Variants in WWOX observed in about 807,000 individuals in gnomAD.
WWOX encodes the protein WW domain containing oxidoreductase, also known as WW domain-containing oxidoreductase.
In WWOX, 69 loss-of-function variants were observed where a neutral mutation model predicts 46.2. The observed-to-expected ratio is 1.49, with a 90% CI of 1.23 to 1.82. WWOX has a LOEUF of 1.82. Among genes scored for constraint, WWOX ranks in the 40% most tolerant of loss-of-function variants. The pLI, the probability that WWOX is intolerant of heterozygous loss-of-function variation, is 0.00. For missense variants in WWOX, 919 were observed against 542.6 expected (o/e 1.69, Z -6.89); for synonymous variants, 359 against 202.6 (o/e 1.77, Z -6.56).
chr16:78,993,327 C>T (rs1024481195), intron 8 of WWOX, among the ~76,000 whole-genome samples: 32 of 152,092 alleles, frequency 2.1e-4, no homozygotes, highest in African/African-American at 7.7e-4. Context: ...AAGGGAATCT[C>T]AGATGTTTTA....
At chr16:78,947,234 A>T (rs2045967006) in intron 8 of WWOX, among the ~76,000 whole-genome samples, 1 of 152,112 alleles carries the variant, frequency 6.6e-6, no homozygotes. Flanking sequence ...CCTGCAAATG[A>T]GTTTGCTAAA....
intron 6 of WWOX, among the ~76,000 whole-genome samples, chr16:78,388,262 C>G (rs1219804693): frequency 1.3e-5 from 2 of 152,138 alleles, no homozygotes; most frequent in African/African-American, 4.8e-5. Context: ...AACTCCTGGC[C>G]TCAGGTGATC....
At chr16:78,384,858 AG>A (rs907700916) in intron 5 of WWOX, among the ~76,000 whole-genome samples, 3 of 152,118 alleles carry the variant, frequency 2.0e-5, no homozygotes, top group African/African-American at 7.2e-5. Flanking sequence ...GCTTTGTGCC[AG>A]GTGCGGTGGC....
chr16:78,327,897 G>A (rs1326872606), intron 5 of WWOX, among the ~76,000 whole-genome samples: 2 of 41,228 alleles, frequency 4.9e-5, no homozygotes, highest in African/African-American at 1.6e-4. Flanking sequence ...TTTTTTTTTT[G>A]AGATGATCTT....
intron 8 of WWOX, chr16:78,895,604 A>G (rs983175614): frequency 2.0e-5 from 3 of 152,236 alleles, no homozygotes; most frequent in Admixed American, 6.5e-5. Context: ...AAATGATGCC[A>G]TGGAAACCCT....
intron 8 of WWOX, among the ~76,000 whole-genome samples, chr16:78,509,871 T>G (rs1238062984): frequency 6.6e-6 from 1 of 151,510 alleles, no homozygotes; most frequent in East Asian, 1.9e-4. Context: ...GAGGATCACT[T>G]GAGCCTGGGA....
intron 5 of WWOX, among the ~76,000 whole-genome samples, chr16:78,178,510 G>A (rs970928347): frequency 6.6e-6 from 1 of 152,118 alleles, no homozygotes; most frequent in Non-Finnish European, 1.5e-5. Context: ...TTTAGGAGTA[G>A]GAATACATGT....
At chr16:78,909,781 A>C (rs1435710917) in intron 8 of WWOX, among the ~76,000 whole-genome samples, 1 of 152,188 alleles carries the variant, frequency 6.6e-6, no homozygotes, top group South Asian at 2.1e-4. Context: ...CTTAGTCCAA[A>C]TGTAGAGGGT....
intron 8 of WWOX, among the ~76,000 whole-genome samples, chr16:78,850,519 A>C (rs924789855): frequency 6.6e-6 from 1 of 152,204 alleles, no homozygotes. Flanking sequence ...TTTTACTGCT[A>C]AGAATAATGT....
At position 78,571,251 on chromosome 16, in the gene WWOX, T is replaced by G. The variant is rs2044708808; in HGVS notation, c.1056+138499T>G. Among the ~76,000 whole-genome samples, 5 of 152,156 alleles carry G rather than the reference T, an allele frequency of 3.3e-5. 1 individual carries two copies. The highest frequency in any genetic ancestry group is 2.6e-4 in the Admixed American group (4 of 15,278). On this transcript the variant is annotated intron_variant, in intron 8 of 8. Coordinates refer to ENST00000566780, the MANE Select transcript of WWOX (RefSeq NM_016373.4). Reference sequence around the variant, plus strand: ...TTGTAAATGTGTTGCTTAAATAGATTTTTATGAGCCAGTAATGGTTTAGAA... The same window carrying G: ...TTGTAAATGTGTTGCTTAAATAGATGTTTATGAGCCAGTAATGGTTTAGAA...
At chr16:79,051,201 T>C (rs1211647513) in intron 8 of WWOX, among the ~76,000 whole-genome samples, 2 of 152,320 alleles carry the variant, frequency 1.3e-5, no homozygotes, top group Admixed American at 6.5e-5. Context: ...AAGTTGTCTT[T>C]AGAGGAGTAA....
chr16:78,687,863 CA>C (rs2047898189), intron 8 of WWOX, among the ~76,000 whole-genome samples: 1 of 152,050 alleles, frequency 6.6e-6, no homozygotes, highest in Non-Finnish European at 1.5e-5. Flanking sequence ...TGCATTAGAA[CA>C]GATTAAAAAT....
intron 8 of WWOX, among the ~76,000 whole-genome samples, chr16:78,513,529 C>G (rs2085413995): frequency 6.6e-6 from 1 of 152,098 alleles, no homozygotes; most frequent in Non-Finnish European, 1.5e-5. Context: ...TTGAATTCCA[C>G]CTTGGGTTCA....
chr16:78,353,795 G>T (rs1262632020), intron 5 of WWOX, among the ~76,000 whole-genome samples: 1 of 152,248 alleles, frequency 6.6e-6, no homozygotes, highest in South Asian at 2.1e-4. Context: ...GATCTGCAAG[G>T]TCAGCAGTTA....
intron 5 of WWOX, among the ~76,000 whole-genome samples, chr16:78,307,652 A>G (rs1258889863): frequency 6.6e-6 from 1 of 152,182 alleles, no homozygotes; most frequent in Admixed American, 6.5e-5. Flanking sequence ...AAGAGAATAA[A>G]TGTGTTGTTT....
intron 6 of WWOX, among the ~76,000 whole-genome samples, chr16:78,392,526 C>G (rs56047202): frequency 0.013 from 1,966 of 152,212 alleles, 43 homozygotes; most frequent in African/African-American, 0.044. Flanking sequence ...ACCCCCACTC[C>G]TTTGAGTCTA....
intron 8 of WWOX, among the ~76,000 whole-genome samples, chr16:78,528,022 G>C (rs1233180603): frequency 4.0e-4 from 19 of 47,190 alleles, no homozygotes; most frequent in African/African-American, 1.8e-3. Context: ...TTTTTGAGAC[G>C]GAGTCTTGCT....
rs1017252096 is a variant in WWOX, at chr16:78,647,121, A to T, written c.1056+214369A>T. ...AGGATGTGAAACTGCCCAGTGCCCC[A>T]ATCTGGAGTCCACCATCCTGGGTCT... is the stretch of plus-strand genomic sequence containing the variant. On this transcript the variant is annotated intron_variant, in intron 8 of 8. Coordinates refer to ENST00000566780, the MANE Select transcript of WWOX (RefSeq NM_016373.4). 2.0e-5 allele frequency among the ~76,000 whole-genome samples: 3 copies of T among 152,126 alleles called. No individual in the cohort carries two copies. The South Asian group carries it at 6.2e-4, about 32-fold the overall frequency.
chr16:78,104,231 A>ACACACACACACACACAC (rs2031989143), intron 1 of WWOX, among the ~76,000 whole-genome samples: 2 of 130,124 alleles, frequency 1.5e-5, no homozygotes, highest in African/African-American at 5.9e-5. Context: ...CTGTGCTCAA[A>ACACACACACACACACAC]ACACACACAC....
Sources: allele counts gnomAD v4.1 joint callset (sites outside exome capture counted in the v4.1 genomes callset), GRCh38; gene constraint gnomAD v4.1.1; transcripts MANE v1.5; gene names NCBI Gene and HGNC (gene_info 2026-07-23, HGNC 2026-07-21).